N4BP2: variants seen among roughly 807,000 people sequenced by gnomAD.
N4BP2 encodes the protein NEDD4 binding protein 2.
A neutral mutation model predicts 152.8 loss-of-function variants in N4BP2; 91 were observed. That is an observed-to-expected ratio of 0.60 (90% confidence interval 0.50 to 0.71). The LOEUF (loss-of-function observed/expected upper bound fraction) is 0.71. Ranked by LOEUF, N4BP2 falls within the 30% of genes least tolerant of loss-of-function variation. N4BP2 has a pLI of 0.00. For synonymous variants in N4BP2, 646 were observed against 705.3 expected, an observed-to-expected ratio of 0.92 and a Z score of 1.33; for missense variants, 1,923 against 2,059.1, an observed-to-expected ratio of 0.93 and a Z score of 1.28.
Position 40,120,497 on chromosome 4 carries a change from A to T in N4BP2, c.2386A>T (p.Thr796Ser), listed in dbSNP as rs1717778005. 6.2e-7 allele frequency: 1 copy of T among 1,613,518 alleles called. No individual in the cohort carries two copies. Among genetic ancestry groups the T allele is most frequent in the South Asian group, 1.1e-5 (1 of 91,074 alleles). Residue 796 changes from threonine (T) to serine (S), a missense_variant, in exon 9 of 18, where the codon ACT becomes TCT. Coordinates refer to ENST00000261435, the MANE Select transcript of N4BP2 (RefSeq NM_018177.6). Reference protein sequence around the residue: ...NFVGDWPVDKTIGQRTKRNRK... With the variant: ...NFVGDWPVDKSIGQRTKRNRK... ...TGTTGGTGACTGGCCAGTTGATAAG[A>T]CTATTGGTCAGAGGACAAAAAGGAA...
chr4:40,159,827 C>G (rs1296962617), downstream of N4BP2, among the ~76,000 whole-genome samples: 1 of 151,866 alleles, frequency 6.6e-6, no homozygotes, highest in Admixed American at 6.6e-5. Flanking sequence ...GTTCTCGATG[C>G]ATTGATGACT....
At chr4:40,147,327 A>AGCG (rs1720638784) in intron 16 of N4BP2, among the ~76,000 whole-genome samples, 1 of 152,258 alleles carries the variant, frequency 6.6e-6, no homozygotes, top group Non-Finnish European at 1.5e-5. Context: ...ACACAGACAC[A>AGCG]GCGACCATCC....
At chr4:40,090,388 G>A (rs1714409472) in intron 2 of N4BP2, among the ~76,000 whole-genome samples, 2 of 152,086 alleles carry the variant, frequency 1.3e-5, no homozygotes. Context: ...TATTTACTGT[G>A]TTGTCTTCCC....
rs183110386 is a variant in N4BP2 at position 40,118,028 on chromosome 4, G to C, written c.1820+4G>C. On this transcript the variant is annotated splice_donor_region_variant and intron_variant, in intron 8 of 17. Transcript: ENST00000261435. ...CTTGTGAGGATAGAAGCACTAGGTA[G>C]GTTAAAATGCCTTATGTACAAAATT... 9 of 1,547,808 alleles carry C rather than the reference G, an allele frequency of 5.8e-6. No individual in the cohort carries two copies. In the East Asian group the frequency reaches 1.9e-4, roughly 32 times the overall value.
At chr4:40,189,200 G>A in the N4BP2 span, among the ~76,000 whole-genome samples, 1 of 138,358 alleles carries the variant, frequency 7.2e-6, no homozygotes, top group Non-Finnish European at 1.6e-5. The surrounding 1 kb of genome is among the most constrained non-coding windows in gnomAD (Gnocchi z 4.3). Flanking sequence ...CACCATCAAG[G>A]GAGCAGAGAA....
At chr4:40,133,314 G>T (rs1719059638) in intron 13 of N4BP2, among the ~76,000 whole-genome samples, 1 of 151,728 alleles carries the variant, frequency 6.6e-6, no homozygotes, top group Non-Finnish European at 1.5e-5. Flanking sequence ...ATTTTAGTTT[G>T]ATTTTCTGTT....
intron 16 of N4BP2, among the ~76,000 whole-genome samples, chr4:40,150,676 G>GGAAA (rs1553928674): frequency 1.5e-4 from 22 of 146,384 alleles, no homozygotes; most frequent in Non-Finnish European, 1.5e-4. Context: ...GTCTCAGGGG[G>GGAAA]AAAAAAAAAA....
intron 8 of N4BP2, among the ~76,000 whole-genome samples, chr4:40,119,393 G>C (rs1717643753): frequency 6.6e-6 from 1 of 152,192 alleles, no homozygotes; most frequent in Non-Finnish European, 1.5e-5. Flanking sequence ...AGTGCTCTGA[G>C]TCTGAAATTA....
chr4:40,090,343 T>A (rs912139904), intron 2 of N4BP2, among the ~76,000 whole-genome samples: 1 of 152,244 alleles, frequency 6.6e-6, no homozygotes, highest in Admixed American at 6.5e-5. Flanking sequence ...AGGCATTTTC[T>A]TAAACGTGTA....
the N4BP2 span, among the ~76,000 whole-genome samples, chr4:40,187,646 A>G: frequency 6.6e-6 from 1 of 152,182 alleles, no homozygotes; most frequent in Non-Finnish European, 1.5e-5. Flanking sequence ...CACTTAAGAG[A>G]GCTAACCTGT....
intron 17 of N4BP2, among the ~76,000 whole-genome samples, chr4:40,153,314 T>G (rs1721303664): frequency 6.6e-6 from 1 of 152,236 alleles, no homozygotes; most frequent in Non-Finnish European, 1.5e-5. Flanking sequence ...TATTATTCTT[T>G]TGAAAGGAAA....
At chr4:40,063,044 A>G (rs1436302760) in intron 1 of N4BP2, among the ~76,000 whole-genome samples, 1 of 152,208 alleles carries the variant, frequency 6.6e-6, no homozygotes, top group Non-Finnish European at 1.5e-5. Flanking sequence ...TAATACAGAG[A>G]GGAAAGGGAC....
chr4:40,167,751 A>G, the N4BP2 span: 1 of 152,222 alleles, frequency 6.6e-6, no homozygotes, highest in Non-Finnish European at 1.5e-5. Flanking sequence ...ATACATGGGT[A>G]TGTATCTTAA....
intron 12 of N4BP2, among the ~76,000 whole-genome samples, chr4:40,129,309 C>T (rs947198423): frequency 5.3e-5 from 8 of 152,092 alleles, no homozygotes; most frequent in African/African-American, 1.9e-4. Context: ...TCACTGCAAC[C>T]TCCACTTCCC....
At chr4:40,170,761 T>C in the N4BP2 span, among the ~76,000 whole-genome samples, 1 of 152,236 alleles carries the variant, frequency 6.6e-6, no homozygotes, top group South Asian at 2.1e-4. Flanking sequence ...AATGAGATCA[T>C]TTCCTGTTCA....
chr4:40,070,960 G>A (rs1056340458), intron 1 of N4BP2, among the ~76,000 whole-genome samples: 14 of 151,840 alleles, frequency 9.2e-5, no homozygotes, highest in African/African-American at 3.1e-4. Flanking sequence ...AAATAGCTGG[G>A]ATTACAGGTG....
chr4:40,088,423 T>C (rs2109933351), intron 2 of N4BP2, among the ~76,000 whole-genome samples: 1 of 152,338 alleles, frequency 6.6e-6, no homozygotes, highest in African/African-American at 2.4e-5. Flanking sequence ...ATGTTGTTTC[T>C]TTGAAGTCTT....
intron 1 of N4BP2, among the ~76,000 whole-genome samples, chr4:40,072,242 ATTTT>A (rs34754962): frequency 2.6e-5 from 3 of 117,566 alleles, no homozygotes; most frequent in Admixed American, 9.0e-5. Flanking sequence ...TGCCTGGCTA[ATTTT>A]TTTTTTTTTT....
intron 1 of N4BP2, among the ~76,000 whole-genome samples, chr4:40,063,139 T>C (rs1200093432): frequency 6.6e-6 from 1 of 152,228 alleles, no homozygotes; most frequent in East Asian, 1.9e-4. Flanking sequence ...TCCTTTGATG[T>C]CTAATTTTTA....
Sources: allele counts gnomAD v4.1 joint callset (sites outside exome capture counted in the v4.1 genomes callset), GRCh38; gene constraint gnomAD v4.1.1; non-coding constraint Gnocchi (gnomAD v3.1); transcripts MANE v1.5; gene names NCBI Gene and HGNC (gene_info 2026-07-23, HGNC 2026-07-21).